The following SEH1L variants were observed in gnomAD, a reference collection of about 807,000 sequenced individuals.
SEH1L encodes the protein SEH1 like nucleoporin.
In SEH1L, 18 loss-of-function variants were observed where a neutral mutation model predicts 49.5. The ratio of observed to expected loss-of-function variants is 0.36; its 90% CI spans 0.25 to 0.54. SEH1L has a LOEUF of 0.54. Ranked by LOEUF, SEH1L falls within the 20% of genes least tolerant of loss-of-function variation. The pLI, the probability that SEH1L is intolerant of heterozygous loss-of-function variation, is 0.87. For missense variants in SEH1L, 404 were observed against 528.8 expected (o/e 0.76, Z 2.31); for synonymous variants, 169 against 178.1 (o/e 0.95, Z 0.41).
intron 3 of SEH1L, among the ~76,000 whole-genome samples, chr18:12,960,825 G>A (rs1790945509): frequency 6.6e-6 from 1 of 152,150 alleles, no homozygotes; most frequent in South Asian, 2.1e-4. Flanking sequence ...ATCCATATGG[G>A]TCTGCAGCAG....
At chr18:12,963,448 T>G (rs375399597) in intron 4 of SEH1L, 77 bp downstream of exon 4, 6 of 1,174,320 alleles carry the variant, frequency 5.1e-6, no homozygotes, top group Middle Eastern at 5.3e-4. Context: ...ATTTGATAAT[T>G]TATTCTCTCA....
intron 6 of SEH1L, among the ~76,000 whole-genome samples, chr18:12,980,605 C>T (rs370362403): frequency 0.079 from 9,151 of 116,120 alleles, 878 homozygotes; most frequent in African/African-American, 0.19. Flanking sequence ...GGCAGCTGGC[C>T]GGGCAGAGGG....
At chr18:12,951,617 C>T (rs150695305) in intron 1 of SEH1L, among the ~76,000 whole-genome samples, 2,646 of 152,356 alleles carry the variant, frequency 0.017, 30 homozygotes, top group Middle Eastern at 0.041. Context: ...TCTCGAACTC[C>T]TGACCTCAGG....
chr18:12,975,301 A>C (rs2145649792), intron 5 of SEH1L, among the ~76,000 whole-genome samples: 1 of 152,042 alleles, frequency 6.6e-6, no homozygotes, highest in East Asian at 2.0e-4. Context: ...CACCTTAATT[A>C]ATTACAATAT....
intron 7 of SEH1L, 129 bp from the exon 8 acceptor site, chr18:12,983,911 T>A (rs1241623729): frequency 1.2e-5 from 7 of 590,264 alleles, no homozygotes. Flanking sequence ...TTAATGTTTA[T>A]CCTGAAAGAA....
At chr18:12,979,263 G>A (rs996266190) in intron 6 of SEH1L, among the ~76,000 whole-genome samples, 3 of 149,316 alleles carry the variant, frequency 2.0e-5, no homozygotes, top group Non-Finnish European at 4.4e-5. Flanking sequence ...AGGGAGTGGC[G>A]ATGACTCTTA....
At chr18:12,954,404 T>C (rs2030730350) in intron 2 of SEH1L, among the ~76,000 whole-genome samples, 1 of 152,244 alleles carries the variant, frequency 6.6e-6, no homozygotes, top group South Asian at 2.1e-4. Context: ...TAGACTGTAT[T>C]GTCAGTTAAA....
At chr18:12,965,435 G>T (rs144250729) in intron 4 of SEH1L, among the ~76,000 whole-genome samples, 157 of 152,266 alleles carry the variant, frequency 1.0e-3, no homozygotes, top group African/African-American at 3.6e-3. Context: ...AAATTAAGTG[G>T]CAGCCAGCTT....
chr18:12,957,975 C>CTGTGATTA (rs767393118), intron 3 of SEH1L, among the ~76,000 whole-genome samples: 252 of 149,542 alleles, frequency 1.7e-3, no homozygotes, highest in Non-Finnish European at 3.0e-3. Flanking sequence ...TCCCAAAGTG[C>CTGTGATTA]TGTGATTATA....
intron 4 of SEH1L, among the ~76,000 whole-genome samples, chr18:12,970,936 C>T (rs573473059): frequency 1.3e-5 from 2 of 152,260 alleles, no homozygotes; most frequent in Admixed American, 1.3e-4. Flanking sequence ...ATGCTAAAAA[C>T]AGTTCATAAG....
chr18:12,982,604 G>A lies in SEH1L; in HGVS notation c.848G>A (p.Arg283Gln), dbSNP rs773681200. 3.1e-6 allele frequency: 5 copies of A among 1,613,760 alleles called. No homozygotes were observed. Among genetic ancestry groups the A allele is most frequent in the African/African-American group, 2.7e-5 (2 of 74,912 alleles). Reference protein sequence around the residue: ...QFDNHNSQVWRVSWNITGTVL... With the variant: ...QFDNHNSQVWQVSWNITGTVL... ...GATAATCATAATTCTCAGGTCTGGC[G>A]AGTGAGTTGGAATATAACAGGAACG... Residue 283 changes from arginine (R) to glutamine (Q), a missense_variant, in exon 7 of 9, where the codon CGA becomes CAA. By Grantham distance (43) the Arg-to-Gln change is conservative (BLOSUM62 1). This residue lies in a region of SEH1L where 342 missense variants were observed against 430.8 expected (regional missense o/e 0.79). Coordinates refer to ENST00000399892, the MANE Select transcript of SEH1L (RefSeq NM_001013437.2).
At chr18:12,948,489 C>G (rs1351109870) in intron 1 of SEH1L, 2 of 327,578 alleles carry the variant, frequency 6.1e-6, no homozygotes, top group East Asian at 1.1e-4. Context: ...GTACGCCGGG[C>G]CCTCTCCCAG....
intron 2 of SEH1L, among the ~76,000 whole-genome samples, chr18:12,953,446 A>G (rs1467442136): frequency 1.3e-5 from 2 of 152,248 alleles, no homozygotes; most frequent in Non-Finnish European, 2.9e-5. Context: ...GGCTGTGCCC[A>G]CCAGCCATGT....
Position 12,971,243 on chromosome 18 carries a change from A to G in SEH1L, c.612A>G (p.Glu204=), listed in dbSNP as rs371191121. Residue 204 remains glutamate (E), a synonymous_variant, in exon 5 of 9, where the codon GAA becomes GAG. Transcript: ENST00000399892. The part of the protein sequence containing the change: ...MAKVQIFEYN[E]NTRKYAKAET... ...AGGTTCAGATTTTTGAATATAATGA[A>G]AACACCAGGTCAGTCCTGCTTTGGT... is the stretch of plus-strand genomic sequence containing the variant. The G allele has an allele frequency of 2.3e-4, 367 of 1,605,560 alleles. No individual in the cohort carries two copies. Among genetic ancestry groups the G allele is most frequent in the Non-Finnish European group, 2.3e-4 (268 of 1,172,320 alleles).
chr18:12,964,760 C>G (rs1326063140), intron 4 of SEH1L, among the ~76,000 whole-genome samples: 2 of 149,334 alleles, frequency 1.3e-5, no homozygotes, highest in Non-Finnish European at 3.0e-5. Context: ...GTCAGCCTCC[C>G]AAGTAGCTGG....
At position 12,949,999 on chromosome 18, in the gene SEH1L, T is replaced by C. The variant is rs141375482; in HGVS notation, c.111+1767T>C. Among the ~76,000 whole-genome samples, 856 of 152,184 alleles carry C rather than the reference T, an allele frequency of 5.6e-3. 5 individuals are homozygous for C. The highest frequency in any genetic ancestry group is 0.02 in the African/African-American group (826 of 41,526). ...AGAATATTCGCCCTTTTATATTTGGTTTATTTCACTTAGTATAATTTTTTT... is the reference window on the plus strand; with the variant it reads ...AGAATATTCGCCCTTTTATATTTGGCTTATTTCACTTAGTATAATTTTTTT... On this transcript the variant is annotated intron_variant, in intron 1 of 8. Coordinates refer to ENST00000399892, the MANE Select transcript of SEH1L (RefSeq NM_001013437.2).
chr18:12,952,323 G>T (rs947497288), intron 2 of SEH1L, among the ~76,000 whole-genome samples: 1 of 150,272 alleles, frequency 6.7e-6, no homozygotes, highest in Non-Finnish European at 1.5e-5. Flanking sequence ...ACCTCCGCCT[G>T]TTGGGTTCAA....
At chr18:12,974,267 C>T (rs892808755) in intron 5 of SEH1L, 2 of 151,952 alleles carry the variant, frequency 1.3e-5, no homozygotes, top group Non-Finnish European at 2.9e-5. Flanking sequence ...TTATTAATAC[C>T]TGTTTATCTT....
Position 12,987,156 on chromosome 18 carries a change from A to C in SEH1L, c.*99A>C. ...TCATTTTCTTTCAGAAGATTTTTCT[A>C]ACTTAGGGTCTGTCTTGCATGTATT... On this transcript the variant is annotated 3_prime_UTR_variant, in exon 9 of 9. Coordinates refer to ENST00000399892, the MANE Select transcript of SEH1L (RefSeq NM_001013437.2). 1.1e-6 allele frequency: 1 copy of C among 888,180 alleles called. No homozygotes were observed. Among genetic ancestry groups the C allele is most frequent in the Non-Finnish European group, 1.7e-6 (1 of 588,152 alleles). 55.0% of individuals were successfully genotyped at this position (888,180 alleles called of 1,614,324 possible).
Sources: gnomAD v4.1 joint callset for allele counts (sites outside exome capture counted in the v4.1 genomes callset) on GRCh38, gnomAD v4.1.1 for gene constraint, gnomAD v4.1.1 regional missense constraint, MANE v1.5 for transcripts, NCBI Gene and HGNC (gene_info 2026-07-23, HGNC 2026-07-21) for gene names.